The following DPH6 variants were observed in gnomAD, a reference collection of about 807,000 sequenced individuals.
DPH6 encodes the protein diphthine--ammonia ligase.
DPH6 carries 33 observed loss-of-function variants against 38.2 expected under a neutral mutation model. The ratio of observed to expected loss-of-function variants is 0.86; its 90% CI spans 0.65 to 1.15. DPH6 has a LOEUF of 1.15. Ranked by LOEUF, DPH6 falls within the 50% of genes most tolerant of loss-of-function variation. The pLI, the probability that DPH6 is intolerant of heterozygous loss-of-function variation, is 0.00. For synonymous variants in DPH6, 108 were observed against 103.0 expected (o/e 1.05, Z -0.30); for missense variants, 325 against 320.0 (o/e 1.02, Z -0.12).
At chr15:35,456,765 C>T (rs746099630) in intron 3 of DPH6, among the ~76,000 whole-genome samples, 3 of 151,838 alleles carry the variant, frequency 2.0e-5, no homozygotes, top group Non-Finnish European at 4.4e-5. Flanking sequence ...GGATTACAGG[C>T]GTGAGCCACT....
chr15:35,329,333 G>A (rs1367226230), downstream of DPH6, among the ~76,000 whole-genome samples: 1 of 152,170 alleles, frequency 6.6e-6, no homozygotes, highest in Admixed American at 6.5e-5. Flanking sequence ...TAGAGCTGTG[G>A]ATGAGAGAGG....
intron 3 of DPH6, among the ~76,000 whole-genome samples, chr15:35,284,801 A>AT (rs71123127): frequency 0.42 from 32,746 of 78,838 alleles, 9,148 homozygotes; most frequent in Non-Finnish European, 0.47. Flanking sequence ...AAGTCTCCAA[A>AT]TTTTTTTTTT....
At position 35,371,992 on chromosome 15, in the gene DPH6, A is replaced by C; in HGVS notation, c.*158T>G. ...ACATGCCGTCGACATTTTCCCAATT[A>C]ATAAATGGTTCCACTAACCTCTTCT... On this transcript the variant is annotated 3_prime_UTR_variant, in exon 9 of 9. Coordinates refer to ENST00000256538, the MANE Select transcript of DPH6 (RefSeq NM_080650.4). 7.5e-7 allele frequency: 1 copy of C among 1,338,768 alleles called. No homozygotes were observed. Among genetic ancestry groups the C allele is most frequent in the Non-Finnish European group, 9.6e-7 (1 of 1,043,530 alleles). The allele number at this position is 1,338,768 out of a possible 1,614,324, so 82.9% of individuals were successfully genotyped here. A position where few individuals can be genotyped will look rare whatever the true frequency, so the allele number is the denominator to read the frequency against.
intron 3 of DPH6, among the ~76,000 whole-genome samples, chr15:35,281,186 A>T (rs2051897044): frequency 6.6e-6 from 1 of 152,088 alleles, no homozygotes; most frequent in South Asian, 2.1e-4. Context: ...ATTCTGAGTG[A>T]ACTGTCCTGT....
intron 4 of DPH6, among the ~76,000 whole-genome samples, chr15:35,451,594 ACTG>A (rs1229434013): frequency 6.6e-6 from 1 of 152,192 alleles, no homozygotes; most frequent in Admixed American, 6.5e-5. Context: ...CACTAACACC[ACTG>A]CTAACAACCT....
intron 6 of DPH6, among the ~76,000 whole-genome samples, chr15:35,390,646 C>T (rs1484731010): frequency 1.3e-5 from 2 of 152,212 alleles, no homozygotes; most frequent in Non-Finnish European, 2.9e-5. Context: ...GTTACTGAGG[C>T]TTGTGCATTT....
intron 3 of DPH6, among the ~76,000 whole-genome samples, chr15:35,472,068 C>A (rs910960126): frequency 6.6e-6 from 1 of 152,026 alleles, no homozygotes; most frequent in African/African-American, 2.4e-5. Flanking sequence ...CCAGCCTGGG[C>A]AACATAGCGA....
chr15:35,446,012 A>T (rs1231228188), intron 5 of DPH6, among the ~76,000 whole-genome samples: 1 of 152,192 alleles, frequency 6.6e-6, no homozygotes, highest in East Asian at 1.9e-4. Flanking sequence ...CATGGGACCC[A>T]TACGAACTGC....
chr15:35,388,461 C>G (rs1298836606), intron 6 of DPH6, among the ~76,000 whole-genome samples: 2 of 152,186 alleles, frequency 1.3e-5, no homozygotes, highest in Non-Finnish European at 2.9e-5. Flanking sequence ...AGCTGTGAAT[C>G]CATCTGGTCC....
At chr15:35,347,904 G>A (rs976497798) in intron 3 of DPH6, among the ~76,000 whole-genome samples, 1 of 152,020 alleles carries the variant, frequency 6.6e-6, no homozygotes, top group Admixed American at 6.6e-5. Context: ...TAGTGATGTT[G>A]AGCATCTTTT....
At chr15:35,166,643 A>C in the DPH6 span, among the ~76,000 whole-genome samples, 4 of 152,090 alleles carry the variant, frequency 2.6e-5, no homozygotes, top group African/African-American at 4.8e-5. Flanking sequence ...AAAAGATAAT[A>C]AAGATGCTAT....
At chr15:35,177,603 C>A in the DPH6 span, among the ~76,000 whole-genome samples, 199 of 105,898 alleles carry the variant, frequency 1.9e-3, 2 homozygotes, top group Admixed American at 8.7e-3. Flanking sequence ...AAAAAAAAAT[C>A]ATCATCATCA....
chr15:35,377,569 G>A (rs746738230), intron 7 of DPH6, among the ~76,000 whole-genome samples: 1 of 152,038 alleles, frequency 6.6e-6, no homozygotes, highest in Non-Finnish European at 1.5e-5. Flanking sequence ...CTAATTTGAG[G>A]ACCTACAATT....
At chr15:35,263,110 A>T (rs1302304882) in intron 3 of DPH6, among the ~76,000 whole-genome samples, 1 of 152,204 alleles carries the variant, frequency 6.6e-6, no homozygotes, top group East Asian at 1.9e-4. Flanking sequence ...ATGGATTTTA[A>T]CTTATTACTT....
intron 3 of DPH6, among the ~76,000 whole-genome samples, chr15:35,518,692 C>A (rs1208560867): frequency 1.3e-5 from 2 of 151,970 alleles, no homozygotes; most frequent in Non-Finnish European, 2.9e-5. Flanking sequence ...TTCAGATTCA[C>A]ATAAATCCAG....
At chr15:35,234,129 G>A (rs1292963059) in intron 3 of DPH6, among the ~76,000 whole-genome samples, 1 of 152,194 alleles carries the variant, frequency 6.6e-6, no homozygotes, top group Non-Finnish European at 1.5e-5. Flanking sequence ...TTGAGTGAAT[G>A]CATGAAGAAA....
At chr15:35,388,334 T>C (rs2053001888) in intron 6 of DPH6, among the ~76,000 whole-genome samples, 5 of 152,210 alleles carry the variant, frequency 3.3e-5, no homozygotes, top group Admixed American at 3.3e-4. Context: ...CAGGCTTTGG[T>C]ATCAGGATGA....
At chr15:35,158,684 A>C in the DPH6 span, among the ~76,000 whole-genome samples, 1 of 152,252 alleles carries the variant, frequency 6.6e-6, no homozygotes, top group South Asian at 2.1e-4. Flanking sequence ...TGAATTTTTT[A>C]GTTATGGCAT....
At chr15:35,364,519 T>C (rs2052640657) in intron 3 of DPH6, among the ~76,000 whole-genome samples, 1 of 152,088 alleles carries the variant, frequency 6.6e-6, no homozygotes, top group Non-Finnish European at 1.5e-5. Flanking sequence ...ATTACTGTCA[T>C]CCTGGAAATT....
Sources: allele counts gnomAD v4.1 joint callset (sites outside exome capture counted in the v4.1 genomes callset), GRCh38; gene constraint gnomAD v4.1.1; transcripts MANE v1.5; gene names NCBI Gene and HGNC (gene_info 2026-07-23, HGNC 2026-07-21).